ZNF385D: variants seen among roughly 807,000 people sequenced by gnomAD.
ZNF385D encodes the protein zinc finger protein 659.
Under a neutral mutation model 35.8 loss-of-function variants are expected in ZNF385D, and 15 were observed. The ratio of observed to expected loss-of-function variants is 0.42; its 90% CI spans 0.28 to 0.64. The LOEUF (loss-of-function observed/expected upper bound fraction) is 0.64, where lower values mean the gene tolerates loss of function less well. Among genes scored for constraint, ZNF385D ranks in the 30% least tolerant of loss-of-function variants. The pLI, the probability that ZNF385D is intolerant of heterozygous loss-of-function variation, is 0.23. For synonymous variants in ZNF385D, 212 were observed against 186.8 expected (o/e 1.13, Z -1.10); for missense variants, 474 against 494.6 (o/e 0.96, Z 0.39).
Position 21,838,678 on chromosome 3 carries a change from T to C in ZNF385D, c.326-173650A>G, listed in dbSNP as rs75325461. On this transcript the variant is annotated intron_variant, in intron 3 of 5. Transcript: ENST00000494108. ...GCCTTATCCATCTATGATGCTCAAA[T>C]GAGCCCTAGCTAGAAACCCTGTTAA... is the stretch of plus-strand genomic sequence containing the variant. Among the ~76,000 whole-genome samples, 613 of 152,194 alleles carry C rather than the reference T, an allele frequency of 4.0e-3. 6 individuals are homozygous for C. Among genetic ancestry groups the C allele is most frequent in the African/African-American group, 0.014 (583 of 41,564 alleles).
At chr3:22,009,170 A>G (rs955689526) in intron 3 of ZNF385D, among the ~76,000 whole-genome samples, 1 of 152,162 alleles carries the variant, frequency 6.6e-6, no homozygotes, top group Admixed American at 6.5e-5. Flanking sequence ...CAGTAATCCT[A>G]TTTTTAGGTA....
chr3:22,290,287 T>C (rs1702233631), intron 2 of ZNF385D, among the ~76,000 whole-genome samples: 1 of 152,132 alleles, frequency 6.6e-6, no homozygotes, highest in Non-Finnish European at 1.5e-5. Context: ...ACCTATTCAA[T>C]ATGAATGCTC....
chr3:21,764,845 C>A (rs2335510), intron 3 of ZNF385D, among the ~76,000 whole-genome samples: 1 of 151,826 alleles, frequency 6.6e-6, no homozygotes, highest in African/African-American at 2.4e-5. Flanking sequence ...ATGCAAGTTG[C>A]GGTATAAGTT....
At chr3:21,972,962 C>T (rs142761805) in intron 3 of ZNF385D, among the ~76,000 whole-genome samples, 12 of 151,802 alleles carry the variant, frequency 7.9e-5, no homozygotes, top group Non-Finnish European at 1.8e-4. Flanking sequence ...TAGGACCCAG[C>T]GGCTTCATTG....
chr3:21,877,795 C>T (rs755728703), intron 3 of ZNF385D: 4 of 151,990 alleles, frequency 2.6e-5, no homozygotes, highest in Non-Finnish European at 5.9e-5. Context: ...GAGGCATCAG[C>T]GTACCTGCTT....
intron 3 of ZNF385D, among the ~76,000 whole-genome samples, chr3:22,015,084 G>C (rs1456664513): frequency 6.6e-6 from 1 of 151,588 alleles, no homozygotes; most frequent in African/African-American, 2.4e-5. Flanking sequence ...CCATAGGATG[G>C]GACTCCCACA....
intron 3 of ZNF385D, among the ~76,000 whole-genome samples, chr3:21,914,118 T>C (rs778279437): frequency 3.3e-5 from 5 of 152,052 alleles, no homozygotes; most frequent in South Asian, 4.1e-4. Context: ...CAGTTTAACA[T>C]TGGAAGCATC....
At chr3:22,286,388 C>T (rs1362839692) in intron 2 of ZNF385D, among the ~76,000 whole-genome samples, 1 of 151,984 alleles carries the variant, frequency 6.6e-6, no homozygotes, top group Admixed American at 6.6e-5. Flanking sequence ...TTTTCCTACT[C>T]TCTATTTCAT....
intron 3 of ZNF385D, among the ~76,000 whole-genome samples, chr3:21,856,178 T>C (rs905530685): frequency 1.1e-4 from 17 of 152,218 alleles, no homozygotes; most frequent in African/African-American, 2.4e-4. Context: ...TTTTATAGCA[T>C]TGGTTGATAT....
chr3:21,749,536 G>A (rs539725344), intron 1 of ZNF385D, among the ~76,000 whole-genome samples: 16 of 152,158 alleles, frequency 1.1e-4, no homozygotes, highest in Non-Finnish European at 2.1e-4. Flanking sequence ...GAAAATATAT[G>A]CATGATAAAC....
At chr3:21,832,376 G>A (rs1280442887) in intron 3 of ZNF385D, among the ~76,000 whole-genome samples, 1 of 152,128 alleles carries the variant, frequency 6.6e-6, no homozygotes, top group Non-Finnish European at 1.5e-5. Context: ...AATAAATAAT[G>A]AACATTTTTA....
intron 2 of ZNF385D, among the ~76,000 whole-genome samples, chr3:21,647,348 T>A (rs916947624): frequency 2.6e-5 from 4 of 151,460 alleles, no homozygotes; most frequent in Non-Finnish European, 4.4e-5. Flanking sequence ...CTTCATTCCT[T>A]CCTCCCTCCC....
At chr3:21,559,892 C>T (rs138740545) in intron 3 of ZNF385D, among the ~76,000 whole-genome samples, 27 of 152,052 alleles carry the variant, frequency 1.8e-4, no homozygotes, top group Admixed American at 9.2e-4. Flanking sequence ...CTTGTCTTCA[C>T]GCTGTATTTA....
At chr3:21,730,496 G>C (rs957880327) in intron 1 of ZNF385D, among the ~76,000 whole-genome samples, 7 of 152,120 alleles carry the variant, frequency 4.6e-5, no homozygotes, top group Admixed American at 1.3e-4. Flanking sequence ...ACTAACCCTT[G>C]ATGAGAAAAA....
At chr3:21,659,131 G>C (rs1441102446) in intron 2 of ZNF385D, among the ~76,000 whole-genome samples, 1 of 151,242 alleles carries the variant, frequency 6.6e-6, no homozygotes, top group Non-Finnish European at 1.5e-5. Context: ...CGTATTTCTA[G>C]TGTCTACTAT....
intron 3 of ZNF385D, among the ~76,000 whole-genome samples, chr3:22,146,767 A>T (rs1704885271): frequency 6.6e-6 from 1 of 152,184 alleles, no homozygotes; most frequent in African/African-American, 2.4e-5. Context: ...ATAGAATTAC[A>T]TTAATAAAAC....
intron 3 of ZNF385D, among the ~76,000 whole-genome samples, chr3:21,791,736 T>C (rs1282622014): frequency 2.0e-5 from 3 of 151,864 alleles, no homozygotes; most frequent in African/African-American, 7.3e-5. Context: ...GATCTAATCG[T>C]TTTTTTTGGT....
At position 21,544,463 on chromosome 3, in the gene ZNF385D, G is replaced by A. The variant is rs181459384; in HGVS notation, c.276+20111C>T. Among the ~76,000 whole-genome samples the A allele has an allele frequency of 3.9e-5, 6 of 152,290 alleles. No individual in the cohort carries two copies. The East Asian group carries it at 1.2e-3, about 29-fold the overall frequency. On this transcript the variant is annotated intron_variant, in intron 3 of 7. Transcript: ENST00000281523. ...TGTTTTTTTTAGTGAAAGGTTATAA[G>A]AAGGTGTGGAAATGTAAACTTTCGC...
At chr3:21,905,710 A>ATATATATT (rs1699652957) in intron 3 of ZNF385D, among the ~76,000 whole-genome samples, 1 of 150,224 alleles carries the variant, frequency 6.7e-6, no homozygotes, top group Non-Finnish European at 1.5e-5. Flanking sequence ...ATATATATAT[A>ATATATATT]TTCAGTTCAA....
Sources: allele counts gnomAD v4.1 joint callset (sites outside exome capture counted in the v4.1 genomes callset), GRCh38; gene constraint gnomAD v4.1.1; transcripts MANE v1.5; gene names NCBI Gene and HGNC (gene_info 2026-07-23, HGNC 2026-07-21).